The following CDK14 variants were observed in gnomAD, a reference collection of about 807,000 sequenced individuals.
CDK14 encodes cyclin-dependent kinase 14.
Under a neutral mutation model 60.7 loss-of-function variants are expected in CDK14, and 34 were observed. The observed-to-expected ratio is 0.56, with a 90% CI of 0.43 to 0.75. CDK14 has a LOEUF of 0.75. Ranked by LOEUF, CDK14 falls within the 30% of genes least tolerant of loss-of-function variation. The pLI is 0.00. For synonymous variants in CDK14, 197 were observed against 203.7 expected, an observed-to-expected ratio of 0.97 and a Z score of 0.28; for missense variants, 482 against 564.1, an observed-to-expected ratio of 0.85 and a Z score of 1.47.
At chr7:90,660,470 G>A (rs1228395349) in intron 2 of CDK14, among the ~76,000 whole-genome samples, 2 of 152,130 alleles carry the variant, frequency 1.3e-5, no homozygotes, top group Admixed American at 6.5e-5. Context: ...ATATAAAAAT[G>A]CTTAGCTCTA....
intron 14 of CDK14, among the ~76,000 whole-genome samples, chr7:91,176,570 A>C (rs1801765194): frequency 6.6e-6 from 1 of 152,150 alleles, no homozygotes; most frequent in Admixed American, 6.5e-5. Context: ...AGCAAGACTA[A>C]TAAAGAAAAA....
Position 90,927,898 on chromosome 7 carries a change from G to A in CDK14, c.826+10174G>A, listed in dbSNP as rs142127621. ...TTCACATAGTCCCATATTTCTTGGC[G>A]GCTTTGTTCGTTTCTTTTTACTCTT... On this transcript the variant is annotated intron_variant, in intron 8 of 14. Coordinates refer to ENST00000380050, the MANE Select transcript of CDK14 (RefSeq NM_001287135.2). Among the ~76,000 whole-genome samples the A allele has an allele frequency of 7.8e-3, 1,194 of 152,218 alleles. 20 individuals carry two copies. Among genetic ancestry groups the A allele is most frequent in the African/African-American group, 0.028 (1,149 of 41,522 alleles).
intron 11 of CDK14, among the ~76,000 whole-genome samples, chr7:91,059,485 A>C (rs1467749593): frequency 2.0e-5 from 3 of 151,792 alleles, no homozygotes; most frequent in African/African-American, 7.3e-5. Flanking sequence ...TAGTTCTTTT[A>C]ATTGTGATGT....
chr7:90,717,400 T>C (rs868480682), intron 2 of CDK14, among the ~76,000 whole-genome samples: 4 of 152,084 alleles, frequency 2.6e-5, no homozygotes, highest in Non-Finnish European at 5.9e-5. Context: ...ATGGCAAGCA[T>C]TGAAGTCCAG....
chr7:90,871,748 G>T (rs965569851), intron 6 of CDK14, among the ~76,000 whole-genome samples: 1 of 152,166 alleles, frequency 6.6e-6, no homozygotes, highest in Non-Finnish European at 1.5e-5. Flanking sequence ...ATACCATGAC[G>T]TAGATGTAAG....
chr7:90,796,909 G>GT (rs1477124197), intron 5 of CDK14, among the ~76,000 whole-genome samples: 1 of 151,846 alleles, frequency 6.6e-6, no homozygotes, highest in African/African-American at 2.4e-5. Flanking sequence ...AACAGAGTCA[G>GT]TTACAAGGCA....
At chr7:91,072,990 AAC>A (rs2116188881) in intron 11 of CDK14, among the ~76,000 whole-genome samples, 1 of 152,256 alleles carries the variant, frequency 6.6e-6, no homozygotes, top group African/African-American at 2.4e-5. Context: ...AAAAAGAACA[AAC>A]AAAACTTCCA....
chr7:91,128,041 T>A (rs1438737839), intron 14 of CDK14, among the ~76,000 whole-genome samples: 1 of 152,204 alleles, frequency 6.6e-6, no homozygotes, highest in African/African-American at 2.4e-5. Flanking sequence ...GAGATCTTCA[T>A]CTTGTTAAGT....
At chr7:90,794,596 G>T (rs944730548) in intron 5 of CDK14, among the ~76,000 whole-genome samples, 2 of 152,100 alleles carry the variant, frequency 1.3e-5, no homozygotes, top group African/African-American at 4.8e-5. Context: ...TGTTCTGCCC[G>T]GCTGTCAGGC....
At chr7:91,112,822 G>GGTGTGTGTGTGT (rs112066860) in intron 13 of CDK14, 141 bp downstream of exon 13, 2 of 688,426 alleles carry the variant, frequency 2.9e-6, no homozygotes, top group African/African-American at 3.7e-5. Context: ...GTGCATTACA[G>GGTGTGTGTGTGT]GTGTGTGTGT....
intron 10 of CDK14, 25 bp downstream of exon 10, chr7:90,984,266 A>G (rs746097654): frequency 1.3e-6 from 2 of 1,496,396 alleles, no homozygotes; most frequent in Admixed American, 3.4e-5. Flanking sequence ...GAGTATTTCT[A>G]AGAAAAATTG....
chr7:90,816,344 C>G (rs12674203), intron 5 of CDK14, among the ~76,000 whole-genome samples: 30,860 of 152,130 alleles, frequency 0.2, 3,261 homozygotes, highest in South Asian at 0.24. Flanking sequence ...TGGGTTGCTC[C>G]TGAAAGTTTT....
intron 6 of CDK14, among the ~76,000 whole-genome samples, chr7:90,875,034 C>T (rs1434694213): frequency 3.3e-5 from 5 of 152,140 alleles, no homozygotes; most frequent in Non-Finnish European, 4.4e-5. Context: ...CCACTAACCC[C>T]CTGCTCCTGA....
intron 2 of CDK14, among the ~76,000 whole-genome samples, chr7:90,683,366 A>G (rs760250401): frequency 5.3e-5 from 8 of 152,178 alleles, no homozygotes; most frequent in Non-Finnish European, 1.0e-4. Flanking sequence ...GTTGGCTCCT[A>G]TGTCTTAGTG....
chr7:91,129,999 A>G (rs944084914), intron 14 of CDK14, among the ~76,000 whole-genome samples: 1 of 152,188 alleles, frequency 6.6e-6, no homozygotes, highest in Admixed American at 6.6e-5. Context: ...GTTCATTGAT[A>G]TAGTTTCAGA....
In CDK14 at chr7:90,967,903, A is replaced by G. The variant is rs1016749250; in HGVS notation, c.947+12086A>G. On this transcript the variant is annotated intron_variant, in intron 9 of 14. Transcript: ENST00000380050. ...ATTGAATGGAAATGGGATTGGAGAG[A>G]AACTAGGAGCCTCTATAAATGTCAT... 5.3e-5 allele frequency among the ~76,000 whole-genome samples: 8 copies of G among 152,218 alleles called. No individual in the cohort carries two copies. In the South Asian group the frequency reaches 8.3e-4, roughly 16 times the overall value.
At chr7:90,911,362 G>A (rs1245496216) in intron 7 of CDK14, among the ~76,000 whole-genome samples, 2 of 152,138 alleles carry the variant, frequency 1.3e-5, no homozygotes, top group East Asian at 3.9e-4. Flanking sequence ...TGTTTAAGAT[G>A]AGAAACCTGA....
intron 11 of CDK14, among the ~76,000 whole-genome samples, chr7:91,053,031 T>G (rs1797436355): frequency 6.6e-6 from 1 of 152,174 alleles, no homozygotes; most frequent in South Asian, 2.1e-4. Flanking sequence ...CTTTAAGTCC[T>G]TCCTCTTCTC....
At chr7:90,850,438 A>G (rs1584043546) in intron 5 of CDK14, among the ~76,000 whole-genome samples, 4 of 152,350 alleles carry the variant, frequency 2.6e-5, no homozygotes, top group Admixed American at 2.6e-4. Flanking sequence ...AGGTGGGAAT[A>G]GGTCATCAGG....
Sources: gnomAD v4.1 joint callset for allele counts (sites outside exome capture counted in the v4.1 genomes callset) on GRCh38, gnomAD v4.1.1 for gene constraint, MANE v1.5 for transcripts, NCBI Gene and HGNC (gene_info 2026-07-23, HGNC 2026-07-21) for gene names.